The following NOX4 variants were observed in gnomAD, a reference collection of about 807,000 sequenced individuals.
NOX4 encodes the protein kidney oxidase-1.
A neutral mutation model predicts 87.6 loss-of-function variants in NOX4; 69 were observed. The ratio of observed to expected loss-of-function variants is 0.79; its 90% CI spans 0.65 to 0.96. The LOEUF (loss-of-function observed/expected upper bound fraction) is 0.96, where lower values mean the gene tolerates loss of function less well. Among genes scored for constraint, NOX4 ranks in the 40% least tolerant of loss-of-function variants. The pLI is 0.00. For missense variants in NOX4, 680 were observed against 681.5 expected, an observed-to-expected ratio of 1.00 and a Z score of 0.02; for synonymous variants, 275 against 238.2, an observed-to-expected ratio of 1.15 and a Z score of -1.42.
rs1210248454 is a variant in NOX4, at chr11:89,400,317, G to T, written c.909C>A (p.Ile303=). ...TGATGGTGACTGGCTTATTGCTCCG[G>T]ATATACCTGTAAAGTCTTTCGGCAC... ...LYCAERLYRY[I]RSNKPVTIIS... Residue 303 remains isoleucine (I), a synonymous_variant, in exon 10 of 18, where the codon ATC becomes ATA. Coordinates refer to ENST00000263317, the MANE Select transcript of NOX4 (RefSeq NM_016931.5). 4 of 1,612,774 alleles carry T rather than the reference G, an allele frequency of 2.5e-6. No individual in the cohort carries two copies. Among genetic ancestry groups the T allele is most frequent in the Non-Finnish European group, 3.4e-6 (4 of 1,179,248 alleles).
At chr11:89,543,977 T>A in the NOX4 span, among the ~76,000 whole-genome samples, 1 of 152,118 alleles carries the variant, frequency 6.6e-6, no homozygotes, top group Admixed American at 6.5e-5. Flanking sequence ...GGGGAACCTG[T>A]TCCTTTTCAT....
At chr11:89,529,888 A>G in the NOX4 span, among the ~76,000 whole-genome samples, 1 of 152,206 alleles carries the variant, frequency 6.6e-6, no homozygotes, top group Non-Finnish European at 1.5e-5. Flanking sequence ...GGTAATAGTC[A>G]TAGGATAATG....
chr11:89,564,461 G>A, the NOX4 span, among the ~76,000 whole-genome samples: 1 of 152,090 alleles, frequency 6.6e-6, no homozygotes, highest in Non-Finnish European at 1.5e-5. Flanking sequence ...TCGGCCCCAG[G>A]GTTCAATCAG....
At chr11:89,403,388 G>A (rs1941985502) in intron 8 of NOX4, among the ~76,000 whole-genome samples, 1 of 152,014 alleles carries the variant, frequency 6.6e-6, no homozygotes, top group East Asian at 1.9e-4. Context: ...AAATTTTGCA[G>A]TATATTTTAT....
At chr11:89,400,471 A>C (rs1291197521) in intron 9 of NOX4, 92 bp from the exon 10 acceptor site, 1 of 747,698 alleles carries the variant, frequency 1.3e-6, no homozygotes. Context: ...CATTACAGTA[A>C]TAGTATTTTA....
At chr11:89,410,415 T>A (rs573915541) in intron 8 of NOX4, among the ~76,000 whole-genome samples, 1 of 152,300 alleles carries the variant, frequency 6.6e-6, no homozygotes, top group South Asian at 2.1e-4. Context: ...TTAATGCAAT[T>A]CAGCTTCATC....
chr11:89,487,779 A>T (rs868780206), intron 2 of NOX4, among the ~76,000 whole-genome samples: 9 of 152,184 alleles, frequency 5.9e-5, no homozygotes, highest in Admixed American at 3.3e-4. Flanking sequence ...AGCAATATTT[A>T]TTTAAAAATT....
At chr11:89,378,607 T>G (rs901898180) in intron 11 of NOX4, among the ~76,000 whole-genome samples, 1 of 151,984 alleles carries the variant, frequency 6.6e-6, no homozygotes, top group Admixed American at 6.6e-5. Flanking sequence ...TGAATAAATA[T>G]TATAATATCA....
At chr11:89,390,499 T>C (rs552294489) in intron 11 of NOX4, among the ~76,000 whole-genome samples, 71 of 152,330 alleles carry the variant, frequency 4.7e-4, no homozygotes, top group Non-Finnish European at 9.0e-4. Context: ...TTAGTATTTA[T>C]AATTGAGATT....
intron 14 of NOX4, among the ~76,000 whole-genome samples, chr11:89,341,322 C>T (rs1351314303): frequency 2.6e-5 from 4 of 151,938 alleles, no homozygotes; most frequent in African/African-American, 7.3e-5. Context: ...AGGGTTTCAC[C>T]ATGTTGGCCA....
chr11:89,524,790 G>T, the NOX4 span, among the ~76,000 whole-genome samples: 1 of 151,982 alleles, frequency 6.6e-6, no homozygotes, highest in Non-Finnish European at 1.5e-5. Flanking sequence ...ATTACCAAAT[G>T]CATTACCTCA....
chr11:89,437,602 T>C (rs1944143642), intron 6 of NOX4, among the ~76,000 whole-genome samples: 1 of 152,068 alleles, frequency 6.6e-6, no homozygotes, highest in African/African-American at 2.4e-5. Flanking sequence ...AAAATGGTGC[T>C]AATTTGCTGA....
intron 2 of NOX4, among the ~76,000 whole-genome samples, chr11:89,486,758 G>T (rs182892271): frequency 1.7e-4 from 26 of 150,130 alleles, no homozygotes; most frequent in African/African-American, 6.1e-4. Flanking sequence ...TAAAGATGGG[G>T]TCTCACTTTG....
Position 89,376,969 on chromosome 11 carries a change from A to G in NOX4, c.1075-3477T>C, listed in dbSNP as rs574011153. On this transcript the variant is annotated intron_variant, in intron 11 of 17. Coordinates refer to ENST00000263317, the MANE Select transcript of NOX4 (RefSeq NM_016931.5). ...GCTACTTGGGAAGCTGAGGCAGGAG[A>G]ATCACTTGAATTCAGGCGGCAGAGG... 3.0e-3 allele frequency among the ~76,000 whole-genome samples: 455 copies of G among 152,262 alleles called. 3 individuals carry two copies. Among genetic ancestry groups the G allele is most frequent in the African/African-American group, 0.01 (422 of 41,570 alleles).
At chr11:89,415,351 C>T (rs557370865) in intron 8 of NOX4, among the ~76,000 whole-genome samples, 13 of 152,052 alleles carry the variant, frequency 8.5e-5, no homozygotes, top group Non-Finnish European at 8.8e-5. Context: ...AAAAAAAATG[C>T]CCCAGTGGCT....
intron 11 of NOX4, among the ~76,000 whole-genome samples, chr11:89,380,574 A>G (rs973674963): frequency 6.6e-6 from 1 of 152,188 alleles, no homozygotes; most frequent in African/African-American, 2.4e-5. Flanking sequence ...GGCACCCAAA[A>G]ATAAGGATTG....
chr11:89,488,988 C>T (rs1374141037), intron 2 of NOX4: 1 of 702,624 alleles, frequency 1.4e-6, no homozygotes, highest in Non-Finnish European at 2.6e-6. Context: ...GGTTTCAAGA[C>T]AGTTCCTGGA....
chr11:89,470,937 T>G (rs1228005840), intron 2 of NOX4, among the ~76,000 whole-genome samples: 7 of 152,144 alleles, frequency 4.6e-5, no homozygotes, highest in Non-Finnish European at 8.8e-5. Context: ...CTATTTGTAT[T>G]GGCATTGTAC....
rs372015655 is a variant in NOX4 at position 89,399,984 on chromosome 11, C to T, written c.1074+33G>A. On this transcript the variant is annotated intron_variant, in intron 11 of 17. Coordinates refer to ENST00000263317, the MANE Select transcript of NOX4 (RefSeq NM_016931.5). ...AAAGAAAAATATGCATAGCACCCTA[C>T]AAATGTGAAAAAGCAAGAGATATGT... is the stretch of plus-strand genomic sequence containing the variant. 6 of 1,549,028 alleles carry T rather than the reference C, an allele frequency of 3.9e-6. No individual in the cohort carries two copies. The African/African-American group carries it at 4.1e-5, about 11-fold the overall frequency.
Sources: gnomAD v4.1 joint callset for allele counts (sites outside exome capture counted in the v4.1 genomes callset) on GRCh38, gnomAD v4.1.1 for gene constraint, MANE v1.5 for transcripts, NCBI Gene and HGNC (gene_info 2026-07-23, HGNC 2026-07-21) for gene names.